The following PTH2R variants were observed in gnomAD, a reference collection of about 807,000 sequenced individuals.
PTH2R encodes parathyroid hormone 2 receptor.
In PTH2R, 59 loss-of-function variants were observed where a neutral mutation model predicts 60.3. That is an observed-to-expected ratio of 0.98 (90% CI 0.79 to 1.22). The LOEUF (loss-of-function observed/expected upper bound fraction) is 1.22. PTH2R is among the 50% of genes most tolerant of loss of function. The pLI, the probability that PTH2R is intolerant of heterozygous loss-of-function variation, is 0.00. For synonymous variants in PTH2R, 256 were observed against 243.8 expected, an observed-to-expected ratio of 1.05 and a Z score of -0.47; for missense variants, 749 against 682.6, an observed-to-expected ratio of 1.10 and a Z score of -1.08.
chr2:208,400,385 C>G (rs889457051), intron 1 of PTH2R, among the ~76,000 whole-genome samples: 13 of 152,196 alleles, frequency 8.5e-5, no homozygotes, highest in African/African-American at 2.9e-4. Flanking sequence ...ACCAGCACCT[C>G]TCTTTGGGGA....
intron 9 of PTH2R, among the ~76,000 whole-genome samples, chr2:208,471,216 T>C (rs962340261): frequency 1.3e-5 from 2 of 152,206 alleles, no homozygotes; most frequent in African/African-American, 4.8e-5. Flanking sequence ...GAGGAGAAAT[T>C]GAAGCTGGTT....
chr2:208,426,270 A>T (rs987623284), intron 1 of PTH2R, among the ~76,000 whole-genome samples: 4 of 152,222 alleles, frequency 2.6e-5, no homozygotes, highest in Admixed American at 2.6e-4. Flanking sequence ...ATCATAAATG[A>T]TCACTTGTCC....
At chr2:208,427,254 A>G (rs1701874550) in intron 1 of PTH2R, among the ~76,000 whole-genome samples, 1 of 152,158 alleles carries the variant, frequency 6.6e-6, no homozygotes, top group Admixed American at 6.5e-5. Context: ...AAAACAAAAA[A>G]CTTCAGGTGT....
intron 1 of PTH2R, among the ~76,000 whole-genome samples, chr2:208,386,491 G>A (rs536521714): frequency 5.3e-5 from 8 of 152,228 alleles, no homozygotes; most frequent in South Asian, 2.1e-4. Flanking sequence ...GCAATCAGTC[G>A]ATGTATGTGT....
chr2:208,437,249 T>C (rs1307864254), intron 2 of PTH2R, among the ~76,000 whole-genome samples: 5 of 152,214 alleles, frequency 3.3e-5, no homozygotes, highest in Non-Finnish European at 7.3e-5. Flanking sequence ...ATTTCCAATG[T>C]TTCTTATAAA....
intron 8 of PTH2R, among the ~76,000 whole-genome samples, chr2:208,456,107 T>G (rs34259292): frequency 0.097 from 14,744 of 151,914 alleles, 718 homozygotes; most frequent in Non-Finnish European, 0.11. Flanking sequence ...CTGGGCGTGG[T>G]GGTGCGTGCC....
At chr2:208,479,565 C>A (rs186276299) in intron 9 of PTH2R, among the ~76,000 whole-genome samples, 1 of 152,214 alleles carries the variant, frequency 6.6e-6, no homozygotes, top group African/African-American at 2.4e-5. Context: ...GTAGCACTCA[C>A]GTGCTTCTTT....
At chr2:208,437,946 C>G in intron 4 of PTH2R, 65 bp downstream of exon 4, 1 of 1,550,204 alleles carries the variant, frequency 6.5e-7, no homozygotes, top group Non-Finnish European at 8.8e-7. Context: ...ATGCAATTCT[C>G]AATTGCCAGC....
chr2:208,388,129 G>A (rs1701035844), intron 1 of PTH2R, among the ~76,000 whole-genome samples: 1 of 45,466 alleles, frequency 2.2e-5, no homozygotes. Flanking sequence ...CTAACATGGT[G>A]AAACCCCCCC....
intron 1 of PTH2R, among the ~76,000 whole-genome samples, chr2:208,375,683 G>GTGATA (rs1424625178): frequency 2.0e-5 from 3 of 152,130 alleles, no homozygotes; most frequent in Non-Finnish European, 4.4e-5. Flanking sequence ...GTGATGTGAT[G>GTGATA]TGATGTGAAC....
At chr2:208,359,928 C>A in exon 1 of PTH2R, 1 of 240,090 alleles carries the variant, frequency 4.2e-6, no homozygotes, top group Non-Finnish European at 8.6e-6. Flanking sequence ...GGCAGATCTG[C>A]GGGGCGCCCA....
chr2:208,363,968 C>G (rs1274919951), intron 1 of PTH2R, among the ~76,000 whole-genome samples: 2 of 152,080 alleles, frequency 1.3e-5, no homozygotes, highest in Non-Finnish European at 2.9e-5. Flanking sequence ...AGGTTGTTTA[C>G]TCTGTTGATA....
At chr2:208,400,607 T>C (rs114913068) in intron 1 of PTH2R, among the ~76,000 whole-genome samples, 1 of 152,350 alleles carries the variant, frequency 6.6e-6, no homozygotes, top group Non-Finnish European at 1.5e-5. Flanking sequence ...TGGTACTATC[T>C]ATAACCTTTT....
upstream of PTH2R, among the ~76,000 whole-genome samples, chr2:208,406,632 G>C (rs1701412997): frequency 6.6e-6 from 1 of 152,154 alleles, no homozygotes; most frequent in South Asian, 2.1e-4. Flanking sequence ...GGTGGCGGCA[G>C]CAGCGACATG....
intron 6 of PTH2R, 119 bp downstream of exon 6, chr2:208,443,656 G>T: frequency 2.6e-6 from 2 of 756,402 alleles, no homozygotes; most frequent in Admixed American, 3.4e-5. Context: ...TAACTAAAAT[G>T]GATTATCAAT....
At chr2:208,459,839 A>C in intron 8 of PTH2R, 56 bp from the exon 9 acceptor site, 2 of 1,431,396 alleles carry the variant, frequency 1.4e-6, no homozygotes, top group Admixed American at 1.7e-5. Flanking sequence ...ATTCTACTTA[A>C]TACTACCCAT....
chr2:208,408,771 ATAAT>A (rs1360688558), intron 1 of PTH2R, among the ~76,000 whole-genome samples: 6 of 152,186 alleles, frequency 3.9e-5, no homozygotes, highest in Middle Eastern at 3.4e-3. Flanking sequence ...AGAGAAATAA[ATAAT>A]AAATAAATCA....
intron 8 of PTH2R, among the ~76,000 whole-genome samples, chr2:208,451,786 TA>T (rs900047174): frequency 2.1e-4 from 32 of 152,190 alleles, no homozygotes; most frequent in African/African-American, 7.5e-4. Flanking sequence ...TGTGTCATTT[TA>T]AAGTACAAGA....
chr2:208,456,580 G>T (rs1292819661), intron 8 of PTH2R, among the ~76,000 whole-genome samples: 6 of 152,168 alleles, frequency 3.9e-5, no homozygotes, highest in African/African-American at 1.4e-4. Flanking sequence ...CTTACTGATT[G>T]TAAGTTGTGG....
Sources: allele counts gnomAD v4.1 joint callset (sites outside exome capture counted in the v4.1 genomes callset), GRCh38; gene constraint gnomAD v4.1.1; transcripts MANE v1.5; gene names NCBI Gene and HGNC (gene_info 2026-07-23, HGNC 2026-07-21).